ANK3: variants seen among roughly 807,000 people sequenced by gnomAD.
ANK3 encodes the protein ankyrin 3.
A neutral mutation model predicts 370.9 loss-of-function variants in ANK3; 57 were observed. The ratio of observed to expected loss-of-function variants is 0.15; its 90% CI spans 0.12 to 0.19. The LOEUF (loss-of-function observed/expected upper bound fraction) is 0.19, where lower values mean the gene tolerates loss of function less well. Among genes scored for constraint, ANK3 ranks in the 10% least tolerant of loss-of-function variants. ANK3 has a pLI of 1.00. For missense variants in ANK3, 4,439 were observed against 5,302.1 expected (o/e 0.84, Z 5.06); for synonymous variants, 1,929 against 1,946.3 (o/e 0.99, Z 0.23).
At chr10:60,146,745 G>A (rs1170566779) in intron 23 of ANK3, among the ~76,000 whole-genome samples, 1 of 152,192 alleles carries the variant, frequency 6.6e-6, no homozygotes, top group African/African-American at 2.4e-5. Flanking sequence ...CTCCCAAAGT[G>A]CTGGGATTAC....
chr10:60,286,826 A>G (rs2132732603), intron 1 of ANK3, among the ~76,000 whole-genome samples: 1 of 152,320 alleles, frequency 6.6e-6, no homozygotes, highest in South Asian at 2.1e-4. Context: ...AGTTGCCTAG[A>G]GGCACTATCA....
At chr10:60,222,073 G>A (rs1364018394) in intron 8 of ANK3, among the ~76,000 whole-genome samples, 1 of 152,160 alleles carries the variant, frequency 6.6e-6, no homozygotes, top group Non-Finnish European at 1.5e-5. Context: ...AGTTTTCCTT[G>A]TAGTATTCTG....
intron 2 of ANK3, among the ~76,000 whole-genome samples, chr10:60,550,027 C>T (rs2077054384): frequency 6.6e-6 from 1 of 152,022 alleles, no homozygotes; most frequent in Non-Finnish European, 1.5e-5. Context: ...AGTTTGTTTT[C>T]ATTGAAGTGA....
chr10:60,561,340 T>C (rs557927041), intron 2 of ANK3, among the ~76,000 whole-genome samples: 1 of 152,358 alleles, frequency 6.6e-6, no homozygotes, highest in South Asian at 2.1e-4. Context: ...CATATTTTTA[T>C]TTCCGTTTTA....
intron 21 of ANK3, among the ~76,000 whole-genome samples, chr10:60,171,558 T>G (rs2095795625): frequency 6.6e-6 from 1 of 152,224 alleles, no homozygotes; most frequent in Admixed American, 6.5e-5. Context: ...CAGGTCTATG[T>G]GTTGAGTCAT....
chr10:60,117,743 G>A (rs1057023169), intron 25 of ANK3, among the ~76,000 whole-genome samples: 18 of 152,180 alleles, frequency 1.2e-4, no homozygotes, highest in African/African-American at 4.3e-4. Context: ...GAACCCGGGA[G>A]GCGGAGGTTG....
At chr10:60,365,743 A>G (rs1399178275) in intron 1 of ANK3, among the ~76,000 whole-genome samples, 1 of 152,176 alleles carries the variant, frequency 6.6e-6, no homozygotes, top group East Asian at 1.9e-4. Context: ...TATCTTATAC[A>G]TGAGGAAATT....
chr10:60,041,079 T>A (rs4611159), intron 43 of ANK3, among the ~76,000 whole-genome samples: 16,314 of 152,144 alleles, frequency 0.11, 1,199 homozygotes, highest in Non-Finnish European at 0.16. Context: ...AAAAACCAAG[T>A]TGTGTTGAAA....
At chr10:60,428,301 C>CA (rs2063934699) in intron 2 of ANK3, among the ~76,000 whole-genome samples, 1 of 152,094 alleles carries the variant, frequency 6.6e-6, no homozygotes, top group Non-Finnish European at 1.5e-5. Context: ...AGTGTGGAGC[C>CA]AGGCCTTGAT....
chr10:60,521,272 A>G (rs2076340731), intron 2 of ANK3, among the ~76,000 whole-genome samples: 1 of 152,122 alleles, frequency 6.6e-6, no homozygotes, highest in Non-Finnish European at 1.5e-5. Flanking sequence ...AATGAATTAC[A>G]TCGTATTGCA....
chr10:60,294,470 G>A (rs2042099690), intron 1 of ANK3, among the ~76,000 whole-genome samples: 1 of 152,074 alleles, frequency 6.6e-6, no homozygotes, highest in East Asian at 1.9e-4. Flanking sequence ...TAGAATTGTT[G>A]GTAAATGAAA....
At chr10:60,126,432 T>C (rs1368114961) in intron 25 of ANK3, among the ~76,000 whole-genome samples, 1 of 152,176 alleles carries the variant, frequency 6.6e-6, no homozygotes, top group South Asian at 2.1e-4. Context: ...ACGCCTGTAA[T>C]CTCAGCACTT....
intron 23 of ANK3, among the ~76,000 whole-genome samples, chr10:60,146,550 A>G (rs928706008): frequency 1.3e-5 from 2 of 152,100 alleles, no homozygotes; most frequent in Admixed American, 6.6e-5. Context: ...GTGCAGTAGC[A>G]TAATCTTGGC....
chr10:60,498,552 C>T (rs1214543904), intron 2 of ANK3, among the ~76,000 whole-genome samples: 1 of 152,110 alleles, frequency 6.6e-6, no homozygotes, highest in Admixed American at 6.6e-5. Context: ...CCATACCTGG[C>T]TAATTATTTC....
intron 28 of ANK3, among the ~76,000 whole-genome samples, chr10:60,092,813 G>A (rs1183295485): frequency 6.6e-6 from 1 of 152,226 alleles, no homozygotes; most frequent in African/African-American, 2.4e-5. Flanking sequence ...TCAGCTCACT[G>A]CAACCTCCGC....
In ANK3 at chr10:60,677,662, T is replaced by C. The variant is rs74155674; in HGVS notation, c.57+55601A>G. Among the ~76,000 whole-genome samples, 1,325 of 151,928 alleles carry C rather than the reference T, an allele frequency of 8.7e-3. 15 individuals are homozygous for C. The highest frequency in any genetic ancestry group is 0.03 in the African/African-American group (1,259 of 41,414). ...AAGATTTAAAATTATTTATGAACGA[T>C]AAAAGCACTGGCTTTTTCATTGAAG... On this transcript the variant is annotated intron_variant, in intron 1 of 43. Coordinates refer to the ANK3 transcript ENST00000373827.
At chr10:60,037,542 A>G (rs1446329320) in intron 43 of ANK3, among the ~76,000 whole-genome samples, 9 of 151,928 alleles carry the variant, frequency 5.9e-5, no homozygotes. Context: ...AACATATGGT[A>G]TTTGGTTTTC....
At chr10:60,458,664 G>C (rs2064810982) in intron 2 of ANK3, among the ~76,000 whole-genome samples, 1 of 152,060 alleles carries the variant, frequency 6.6e-6, no homozygotes, top group African/African-American at 2.4e-5. Flanking sequence ...TGAGAGAAAG[G>C]GAAACAGAAA....
chr10:60,046,405 T>C (rs187994868), intron 42 of ANK3, among the ~76,000 whole-genome samples: 11 of 152,258 alleles, frequency 7.2e-5, no homozygotes, highest in African/African-American at 2.6e-4. Context: ...CCCAGGAAAA[T>C]CCCTAAAATG....
Sources: gnomAD v4.1 joint callset for allele counts (sites outside exome capture counted in the v4.1 genomes callset) on GRCh38, gnomAD v4.1.1 for gene constraint, MANE v1.5 for transcripts, NCBI Gene and HGNC (gene_info 2026-07-23, HGNC 2026-07-21) for gene names.